KDM5A: variants seen among roughly 807,000 people sequenced by gnomAD.
The protein encoded by KDM5A is lysine-specific demethylase 5A.
Under a neutral mutation model 193.5 loss-of-function variants are expected in KDM5A, and 42 were observed. The observed-to-expected ratio is 0.22, with a 90% CI of 0.17 to 0.28. The LOEUF (loss-of-function observed/expected upper bound fraction) is 0.28, where lower values mean the gene tolerates loss of function less well. KDM5A is among the 10% of genes least tolerant of loss of function. The pLI is 1.00. For missense variants in KDM5A, 1,692 were observed against 2,055.1 expected (o/e 0.82, Z 3.42); for synonymous variants, 796 against 718.1 (o/e 1.11, Z -1.73).
At chr12:305,228 C>T (rs1943489996) in intron 24 of KDM5A, among the ~76,000 whole-genome samples, 1 of 151,960 alleles carries the variant, frequency 6.6e-6, no homozygotes, top group Non-Finnish European at 1.5e-5. Context: ...CATCTGTTCA[C>T]AAAACTTTCA....
At chr12:376,880 T>G (rs1463840852) in intron 3 of KDM5A, among the ~76,000 whole-genome samples, 1 of 152,138 alleles carries the variant, frequency 6.6e-6, no homozygotes, top group Admixed American at 6.5e-5. Context: ...GACAATATTT[T>G]GAAGATAGTG....
Position 297,034 on chromosome 12 carries a change from G to GTT in KDM5A, c.4234+6_4234+7insAA, listed in dbSNP as rs1943382524. ...ATGTTCCCCACAGTTTTTTAAAGGA[G>GTT]TAATACCTTGAGAACAACTCTTAGA... On this transcript the variant is annotated splice_region_variant and intron_variant, in intron 25 of 27. Transcript: ENST00000399788. 1 of 1,613,508 alleles carries GTT rather than the reference G, an allele frequency of 6.2e-7. No individual in the cohort carries two copies. The highest frequency in any genetic ancestry group is 2.2e-5 in the East Asian group (1 of 44,830).
chr12:322,740 G>C (rs554876068), intron 16 of KDM5A, among the ~76,000 whole-genome samples, 173 bp from the exon 17 acceptor site: 1 of 152,194 alleles, frequency 6.6e-6, no homozygotes, highest in South Asian at 2.1e-4. Context: ...CTAACAACCA[G>C]GTGCTCATTT....
At chr12:375,957 A>G (rs1944497669) in intron 3 of KDM5A, among the ~76,000 whole-genome samples, 1 of 152,176 alleles carries the variant, frequency 6.6e-6, no homozygotes, top group Non-Finnish European at 1.5e-5. Flanking sequence ...TCTCAGAGGG[A>G]TACCCGGCCA....
chr12:363,383 G>T (rs534067555), intron 4 of KDM5A, among the ~76,000 whole-genome samples: 39 of 152,172 alleles, frequency 2.6e-4, no homozygotes, highest in African/African-American at 8.7e-4. Flanking sequence ...TAAAGCTACA[G>T]TACTCAAGAC....
chr12:317,911 G>A (rs4980878), intron 19 of KDM5A, among the ~76,000 whole-genome samples, 195 bp downstream of exon 19: 32,515 of 152,002 alleles, frequency 0.21, 3,743 homozygotes, highest in South Asian at 0.3. Context: ...AGAATCTCCC[G>A]GTTTCCTTCA....
At chr12:372,365 T>G (rs1334889290) in intron 3 of KDM5A, among the ~76,000 whole-genome samples, 1 of 152,222 alleles carries the variant, frequency 6.6e-6, no homozygotes, top group African/African-American at 2.4e-5. Context: ...GAAGCAATTG[T>G]GAATGGGAGT....
chr12:379,522 G>C (rs1332903463), intron 3 of KDM5A, among the ~76,000 whole-genome samples: 1 of 152,160 alleles, frequency 6.6e-6, no homozygotes. Context: ...GCATTACACT[G>C]TAAGTTACAC....
At chr12:357,827 C>CAAA (rs61577928) in intron 5 of KDM5A, among the ~76,000 whole-genome samples, 15 of 29,866 alleles carry the variant, frequency 5.0e-4, no homozygotes, top group African/African-American at 2.0e-3. Context: ...GACTCAGTCT[C>CAAA]AAAAAAAAAA....
chr12:282,830 G>T lies in KDM5A; in HGVS notation c.*2626C>A, dbSNP rs548386932. ...TTTCTCTAAGTGAAAATAATGCTTT[G>T]TATTAGAACACCAACATTTCTTTAA... On this transcript the variant is annotated 3_prime_UTR_variant, in exon 28 of 28. Transcript: ENST00000399788. 4.3e-6 allele frequency: 1 copy of T among 232,386 alleles called. No individual in the cohort carries two copies. The highest frequency in any genetic ancestry group is 8.5e-6 in the Non-Finnish European group (1 of 117,630). 14.4% of individuals were successfully genotyped at this position (232,386 alleles called of 1,614,324 possible).
At chr12:371,415 T>G (rs1330142089) in intron 3 of KDM5A, among the ~76,000 whole-genome samples, 2 of 152,252 alleles carry the variant, frequency 1.3e-5, no homozygotes, top group African/African-American at 4.8e-5. Context: ...TGTCTGCTTT[T>G]GAGAAGCGTC....
chr12:317,628 G>A (rs540008807), intron 19 of KDM5A, among the ~76,000 whole-genome samples: 22 of 152,332 alleles, frequency 1.4e-4, no homozygotes, highest in Admixed American at 5.2e-4. Flanking sequence ...GGCCAGGGAA[G>A]GCACAAAACA....
chr12:322,947 C>A lies in KDM5A; in HGVS notation c.2275+135G>T, dbSNP rs145901007. On this transcript the variant is annotated intron_variant, in intron 16 of 27. Coordinates refer to ENST00000399788, the MANE Select transcript of KDM5A (RefSeq NM_001042603.3). ...ATAGAAAATTAAGTCTATATTCAATCAACCCATTAATCTCAAATCTCATAG... is the reference window on the plus strand; with the variant it reads ...ATAGAAAATTAAGTCTATATTCAATAAACCCATTAATCTCAAATCTCATAG... 3.3e-4 allele frequency: 378 copies of A among 1,140,138 alleles called. 1 individual carries two copies. The African/African-American group carries it at 5.4e-3, about 16-fold the overall frequency. The allele number at this position is 1,140,138 out of a possible 1,614,324, so 70.6% of individuals were successfully genotyped here. A position where few individuals can be genotyped will look rare whatever the true frequency, so the allele number is the denominator to read the frequency against.
At chr12:300,717 C>T (rs1202157957) in intron 24 of KDM5A, among the ~76,000 whole-genome samples, 1 of 152,122 alleles carries the variant, frequency 6.6e-6, no homozygotes, top group African/African-American at 2.4e-5. Context: ...ATGAAAAACC[C>T]TTCAAAACAT....
intron 3 of KDM5A, among the ~76,000 whole-genome samples, chr12:367,703 G>C (rs570291421): frequency 4.9e-5 from 7 of 144,042 alleles, no homozygotes; most frequent in Non-Finnish European, 7.7e-5. Flanking sequence ...CTCCATCTCC[G>C]AAAAAAAAAA....
In KDM5A at chr12:284,129, AT is replaced by A. The variant is rs916748372; in HGVS notation, c.*1326del. 6.6e-3 allele frequency: 1,368 copies of A among 206,422 alleles called. No individual in the cohort carries two copies. Among genetic ancestry groups the A allele is most frequent in the East Asian group, 0.012 (154 of 13,194 alleles). The allele number at this position is 206,422 out of a possible 1,614,324, so 12.8% of individuals were successfully genotyped here. A position where few individuals can be genotyped will look rare whatever the true frequency, so the allele number is the denominator to read the frequency against. ...CCTTGTACTACAAAGAAGGAATGGGATTTTTTTTTTTAAAGCAAAAAAGAAA... is the reference window on the plus strand; with the variant it reads ...CCTTGTACTACAAAGAAGGAATGGGATTTTTTTTTTAAAGCAAAAAAGAAA... On this transcript the variant is annotated 3_prime_UTR_variant, in exon 28 of 28. Coordinates refer to ENST00000399788, the MANE Select transcript of KDM5A (RefSeq NM_001042603.3).
rs771635918 is a variant in KDM5A, at chr12:309,881, T to G, written c.3300A>C (p.Glu1100Asp). 6.2e-7 allele frequency: 1 copy of G among 1,613,894 alleles called. No individual in the cohort carries two copies. Among genetic ancestry groups the G allele is most frequent in the South Asian group, 1.1e-5 (1 of 90,958 alleles). ...RKKVKELIEKEKEKDLDLEPL... is the reference protein window; with the variant it reads ...RKKVKELIEKDKEKDLDLEPL... ...GCTCCAGGTCCAGATCCTTTTCTTT[T>G]TCTTTTTCTATTAGTTCTTTTACTT... The change falls in exon 22 of 28, where the codon GAA becomes GAC. Residue 1100 changes from glutamate (E) to aspartate (D), a missense_variant. Physicochemically the swap from Glu to Asp is conservative, Grantham distance 45. This residue lies in a region of KDM5A where 965 missense variants were observed against 1,061.0 expected (regional missense o/e 0.91). Coordinates refer to ENST00000399788, the MANE Select transcript of KDM5A (RefSeq NM_001042603.3).
intron 1 of KDM5A, 74 bp downstream of exon 1, chr12:388,853 A>C: frequency 1.3e-6 from 2 of 1,508,944 alleles, no homozygotes; most frequent in South Asian, 2.3e-5. Flanking sequence ...AAGGATCAGA[A>C]AAGTAAAGCT....
At chr12:388,388 T>G in intron 1 of KDM5A, 1 of 438,612 alleles carries the variant, frequency 2.3e-6, no homozygotes, top group Non-Finnish European at 4.5e-6. Flanking sequence ...CCTCTAAATT[T>G]TAGAATTATT....
Sources: gnomAD v4.1 joint callset for allele counts (sites outside exome capture counted in the v4.1 genomes callset) on GRCh38, gnomAD v4.1.1 for gene constraint, gnomAD v4.1.1 regional missense constraint, MANE v1.5 for transcripts, NCBI Gene and HGNC (gene_info 2026-07-23, HGNC 2026-07-21) for gene names.